Variants in RPRD1A observed in about 807,000 individuals in gnomAD.
RPRD1A encodes the protein regulation of nuclear pre-mRNA domain containing 1A, also known as regulation of nuclear pre-mRNA domain-containing protein 1A.
A neutral mutation model predicts 37.8 loss-of-function variants in RPRD1A; 9 were observed. The ratio of observed to expected loss-of-function variants is 0.24; its 90% CI spans 0.14 to 0.42. RPRD1A has a LOEUF of 0.42. Among genes scored for constraint, RPRD1A ranks in the 10% least tolerant of loss-of-function variants. The pLI is 1.00. For missense variants in RPRD1A, 255 were observed against 371.0 expected (o/e 0.69, Z 2.57); for synonymous variants, 138 against 139.7 (o/e 0.99, Z 0.08).
intron 1 of RPRD1A, among the ~76,000 whole-genome samples, chr18:36,064,620 T>C (rs2088985977): frequency 1.3e-5 from 2 of 151,930 alleles, no homozygotes; most frequent in South Asian, 4.2e-4. Context: ...TAAAGGATCA[T>C]AAAACGCACC....
chr18:35,998,802 T>C (rs1909245753), intron 6 of RPRD1A, among the ~76,000 whole-genome samples: 1 of 152,220 alleles, frequency 6.6e-6, no homozygotes, highest in Non-Finnish European at 1.5e-5. Context: ...TTGGTTGTAA[T>C]CCATGTTAAG....
Position 36,008,577 on chromosome 18 carries a change from G to GTGTGTATATATATATATATATA in RPRD1A, c.790-15278_790-15277insTATATATATATATATATACACA. ...GGCGACACAGCAAGACCTTGTGTGT[G>GTGTGTATATATATATATATATA]TATATATATATATCTTTAAAAATCT... On this transcript the variant is annotated intron_variant, in intron 6 of 6. Transcript: ENST00000399022. 1.2e-3 allele frequency among the ~76,000 whole-genome samples: 57 copies of GTGTGTATATATATATATATATA among 47,788 alleles called. 5 individuals carry two copies. Among genetic ancestry groups the GTGTGTATATATATATATATATA allele is most frequent in the African/African-American group, 2.0e-3 (29 of 14,820 alleles). The allele number at this position is 47,788 out of a possible 152,430, so 31.4% of individuals were successfully genotyped here. A position where few individuals can be genotyped will look rare whatever the true frequency, so the allele number is the denominator to read the frequency against.
At chr18:36,026,617 A>T in intron 6 of RPRD1A, 1 of 263,106 alleles carries the variant, frequency 3.8e-6, no homozygotes, top group African/African-American at 2.2e-5. Flanking sequence ...GTGATACATT[A>T]GGGTTAAACT....
chr18:36,018,713 C>T (rs968830045), intron 6 of RPRD1A, among the ~76,000 whole-genome samples: 9 of 152,080 alleles, frequency 5.9e-5, no homozygotes, highest in Non-Finnish European at 1.3e-4. Flanking sequence ...AAACTCACAT[C>T]CTAGTGGCAG....
In RPRD1A at chr18:36,026,912, C is replaced by T. The variant is rs1484371261; in HGVS notation, c.777G>A (p.Glu259=). The T allele has an allele frequency of 6.2e-7, 1 of 1,613,448 alleles. No individual in the cohort carries two copies. The highest frequency in any genetic ancestry group is 1.7e-5 in the Admixed American group (1 of 59,976). ...RCQKEALAEK[E]HKLEEYKRKL... ...AAAGGTTACGCACTTCCAATTTATGCTCTTTCTCTGCAAGGGCTTCCTTTT... is the reference window on the plus strand; with the variant it reads ...AAAGGTTACGCACTTCCAATTTATGTTCTTTCTCTGCAAGGGCTTCCTTTT... The change falls in exon 6 of 7, where the codon GAG becomes GAA. Residue 259 remains glutamate, a synonymous_variant. Transcript: ENST00000399022.
At chr18:36,030,966 T>G in intron 3 of RPRD1A, 25 bp downstream of exon 3, 2 of 1,595,094 alleles carry the variant, frequency 1.3e-6, no homozygotes, top group Non-Finnish European at 1.7e-6. Flanking sequence ...GAGATCAAGG[T>G]AAGAGATCAG....
chr18:36,029,978 T>C (rs1254269682), intron 4 of RPRD1A, among the ~76,000 whole-genome samples: 2 of 151,688 alleles, frequency 1.3e-5, no homozygotes, highest in African/African-American at 4.8e-5. Context: ...GCTAATTTTT[T>C]GTATTTTTTA....
At chr18:36,061,890 G>C (rs1441741639) in intron 1 of RPRD1A, among the ~76,000 whole-genome samples, 1 of 152,146 alleles carries the variant, frequency 6.6e-6, no homozygotes, top group Non-Finnish European at 1.5e-5. Flanking sequence ...AGTGTCATTA[G>C]TCATCTGGGA....
At chr18:36,061,132 T>C (rs1267363030) in intron 1 of RPRD1A, among the ~76,000 whole-genome samples, 1 of 152,180 alleles carries the variant, frequency 6.6e-6, no homozygotes, top group African/African-American at 2.4e-5. Flanking sequence ...AAGAGGTCTT[T>C]TATTAAACGT....
intron 6 of RPRD1A, among the ~76,000 whole-genome samples, chr18:36,009,056 A>AT (rs11419878): frequency 0.12 from 17,560 of 150,142 alleles, 1,219 homozygotes; most frequent in East Asian, 0.25. Flanking sequence ...CATTACTATA[A>AT]TTTTTTTTTT....
chr18:36,050,711 A>ATT (rs143538995), intron 1 of RPRD1A, among the ~76,000 whole-genome samples: 2,051 of 143,270 alleles, frequency 0.014, 51 homozygotes, highest in African/African-American at 0.045. Flanking sequence ...TAATTTTTGT[A>ATT]TTTTTTTTTT....
Position 35,990,470 on chromosome 18 carries a change from A to T in RPRD1A, c.*2681T>A, listed in dbSNP as rs1026356181. On this transcript the variant is annotated 3_prime_UTR_variant, in exon 7 of 7. Transcript: ENST00000399022. ...CTGCATCTGGACAGGGAGGTTGGCT[A>T]TTGAGCACAGCTGATTCTCAGATTC... 6.6e-6 allele frequency: 1 copy of T among 152,210 alleles called. No homozygotes were observed. The highest frequency in any genetic ancestry group is 2.4e-5 in the African/African-American group (1 of 41,458). 9.4% of individuals were successfully genotyped at this position (152,210 alleles called of 1,614,324 possible). A position where few individuals can be genotyped will look rare whatever the true frequency, so the allele number is the denominator to read the frequency against.
At chr18:36,061,698 T>TA (rs2088914205) in intron 1 of RPRD1A, among the ~76,000 whole-genome samples, 1 of 152,136 alleles carries the variant, frequency 6.6e-6, no homozygotes. Context: ...ATTAAGAAAG[T>TA]AAAAAGACAA....
At chr18:35,995,261 G>GTTTTT (rs1232555714) in intron 6 of RPRD1A, among the ~76,000 whole-genome samples, 6 of 109,206 alleles carry the variant, frequency 5.5e-5, no homozygotes, top group Admixed American at 1.0e-4. Flanking sequence ...GCTTTTTTTC[G>GTTTTT]TTTTTTTTTT....
chr18:36,011,389 G>A (rs1910169190), intron 6 of RPRD1A, among the ~76,000 whole-genome samples: 1 of 152,140 alleles, frequency 6.6e-6, no homozygotes, highest in Non-Finnish European at 1.5e-5. Context: ...ACCAGGAAAA[G>A]TTAATAACCA....
At chr18:36,031,927 C>A (rs974182019) in intron 2 of RPRD1A, among the ~76,000 whole-genome samples, 1 of 152,206 alleles carries the variant, frequency 6.6e-6, no homozygotes, top group East Asian at 1.9e-4. Flanking sequence ...CTCCCTAATA[C>A]CTAGTACCAT....
At chr18:36,025,364 TATC>T (rs77133468) in intron 6 of RPRD1A, 40,348 of 300,126 alleles carry the variant, frequency 0.13, 3,188 homozygotes, top group East Asian at 0.25. Flanking sequence ...ACATTATTAT[TATC>T]ATCAGCCTCA....
intron 1 of RPRD1A, among the ~76,000 whole-genome samples, chr18:36,050,546 AC>A (rs913275017): frequency 6.6e-6 from 1 of 152,190 alleles, no homozygotes; most frequent in Admixed American, 6.5e-5. Context: ...CTACACTTCA[AC>A]AAAAAACAAC....
chr18:35,994,481 A>G (rs887980369), intron 6 of RPRD1A, among the ~76,000 whole-genome samples: 2 of 152,240 alleles, frequency 1.3e-5, no homozygotes, highest in Non-Finnish European at 2.9e-5. Context: ...AAGAAAAATC[A>G]GCAGGAATTG....
Sources: allele counts gnomAD v4.1 joint callset (sites outside exome capture counted in the v4.1 genomes callset), GRCh38; gene constraint gnomAD v4.1.1; transcripts MANE v1.5; gene names NCBI Gene and HGNC (gene_info 2026-07-23, HGNC 2026-07-21).